Variants in GNAZ observed in about 807,000 individuals in gnomAD.
GNAZ encodes the protein guanine nucleotide-binding protein G(z) subunit alpha.
A neutral mutation model predicts 25.4 loss-of-function variants in GNAZ; 3 were observed. That is an observed-to-expected ratio of 0.12 (90% CI 0.05 to 0.30). The LOEUF (loss-of-function observed/expected upper bound fraction) is 0.30, where lower values mean the gene tolerates loss of function less well. Among genes scored for constraint, GNAZ ranks in the 10% least tolerant of loss-of-function variants. GNAZ has a pLI of 1.00. For missense variants in GNAZ, 241 were observed against 501.8 expected (o/e 0.48, Z 4.97); for synonymous variants, 211 against 205.7 (o/e 1.03, Z -0.22).
At chr22:23,116,930 G>A (rs968714186) in intron 2 of GNAZ, among the ~76,000 whole-genome samples, 1 of 152,192 alleles carries the variant, frequency 6.6e-6, no homozygotes, top group African/African-American at 2.4e-5. Flanking sequence ...AAGCCTGGAG[G>A]ATGCCTCTGT....
rs561918692 is a variant in GNAZ, at chr22:23,115,691, C to T, written c.724-7396C>T. On this transcript the variant is annotated intron_variant, in intron 2 of 2. Transcript: ENST00000615612. ...TGAGGCCCTGAGCACTGCTGGCCACCCCTGCAAATGGAGGGGCCCCACCTG... is the reference window on the plus strand; with the variant it reads ...TGAGGCCCTGAGCACTGCTGGCCACTCCTGCAAATGGAGGGGCCCCACCTG... 8.3e-4 allele frequency among the ~76,000 whole-genome samples: 127 copies of T among 152,346 alleles called. 1 individual carries two copies. Among genetic ancestry groups the T allele is most frequent in the African/African-American group, 2.9e-3 (122 of 41,582 alleles).
At chr22:23,097,479 A>T (rs541541461) in intron 2 of GNAZ, among the ~76,000 whole-genome samples, 1 of 152,254 alleles carries the variant, frequency 6.6e-6, no homozygotes, top group African/African-American at 2.4e-5. Flanking sequence ...GCAGCTGGGG[A>T]GGCGGGCTTG....
chr22:23,104,181 T>C (rs1045685892), intron 2 of GNAZ, among the ~76,000 whole-genome samples: 14 of 152,138 alleles, frequency 9.2e-5, no homozygotes, highest in Non-Finnish European at 1.5e-5. Flanking sequence ...CACAGAGCTA[T>C]GCACAGTGCC....
intron 2 of GNAZ, among the ~76,000 whole-genome samples, chr22:23,121,453 C>T (rs2070021462): frequency 6.6e-6 from 1 of 152,210 alleles, no homozygotes; most frequent in Admixed American, 6.5e-5. Flanking sequence ...TTTGGGCCCA[C>T]CCTGTAGGAG....
intron 1 of GNAZ, among the ~76,000 whole-genome samples, chr22:23,073,781 G>T (rs1457707668): frequency 6.6e-6 from 1 of 152,220 alleles, no homozygotes; most frequent in Non-Finnish European, 1.5e-5. Context: ...CCTGCTGCAT[G>T]CCAGGCACTG....
At chr22:23,100,640 C>T (rs1039202771) in intron 2 of GNAZ, among the ~76,000 whole-genome samples, 5 of 152,214 alleles carry the variant, frequency 3.3e-5, no homozygotes, top group South Asian at 2.1e-4. Flanking sequence ...CAGCACACCA[C>T]GAGGGCAGGT....
chr22:23,115,654 G>A (rs1006994592), intron 2 of GNAZ, among the ~76,000 whole-genome samples: 14 of 152,212 alleles, frequency 9.2e-5, no homozygotes, highest in Admixed American at 3.3e-4. Flanking sequence ...CAGAAGATGC[G>A]TGAAGCAGGC....
chr22:23,090,116 C>CA (rs1228285872), intron 1 of GNAZ, among the ~76,000 whole-genome samples: 2 of 152,134 alleles, frequency 1.3e-5, no homozygotes, highest in African/African-American at 4.8e-5. Context: ...TTCACTGATA[C>CA]AGTCCACTCA....
chr22:23,078,418 G>T (rs888942900), intron 1 of GNAZ, among the ~76,000 whole-genome samples: 8 of 152,240 alleles, frequency 5.3e-5, no homozygotes, highest in African/African-American at 1.4e-4. Flanking sequence ...AGAGGCACTG[G>T]TGGGGCTGCC....
chr22:23,100,738 C>T (rs1280036609), intron 2 of GNAZ, among the ~76,000 whole-genome samples: 1 of 152,206 alleles, frequency 6.6e-6, no homozygotes, highest in Admixed American at 6.5e-5. Flanking sequence ...GGGCGGGAGG[C>T]GGTAGGCTTG....
At chr22:23,077,716 A>G (rs2146259918) in intron 1 of GNAZ, among the ~76,000 whole-genome samples, 1 of 152,266 alleles carries the variant, frequency 6.6e-6, no homozygotes, top group Non-Finnish European at 1.5e-5. Context: ...GCAGCTAATC[A>G]GGCTTCCCCA....
chr22:23,098,275 T>G (rs2069181804), intron 2 of GNAZ, among the ~76,000 whole-genome samples: 1 of 152,232 alleles, frequency 6.6e-6, no homozygotes, highest in South Asian at 2.1e-4. Context: ...ACCCCTGCCC[T>G]TATCCTCCAG....
At chr22:23,090,705 AGG>A (rs1403811755) in intron 1 of GNAZ, among the ~76,000 whole-genome samples, 1 of 152,090 alleles carries the variant, frequency 6.6e-6, no homozygotes, top group Admixed American at 6.5e-5. Flanking sequence ...TCTTACCAGG[AGG>A]CCAGCCCCAC....
intron 1 of GNAZ, among the ~76,000 whole-genome samples, chr22:23,080,590 G>A (rs1334565832): frequency 6.6e-6 from 1 of 152,238 alleles, no homozygotes; most frequent in Non-Finnish European, 1.5e-5. Flanking sequence ...ATCTGCAGGT[G>A]CAAGGCCCAT....
chr22:23,098,855 C>T (rs2069204476), intron 2 of GNAZ, among the ~76,000 whole-genome samples: 3 of 152,256 alleles, frequency 2.0e-5, no homozygotes. Flanking sequence ...CAGCCCGTCT[C>T]CAGCCGGGCC....
intron 1 of GNAZ, among the ~76,000 whole-genome samples, chr22:23,081,889 G>A (rs1420851739): frequency 6.6e-6 from 1 of 151,224 alleles, no homozygotes; most frequent in Non-Finnish European, 1.5e-5. Context: ...ACTTTGGGGG[G>A]CCGAGGCGGG....
chr22:23,099,057 G>A (rs2069213720), intron 2 of GNAZ, among the ~76,000 whole-genome samples: 1 of 152,222 alleles, frequency 6.6e-6, no homozygotes, highest in African/African-American at 2.4e-5. Context: ...CTCCTCCATA[G>A]CCCTCCTTCC....
At chr22:23,078,989 C>T (rs2068593130) in intron 1 of GNAZ, among the ~76,000 whole-genome samples, 2 of 152,192 alleles carry the variant, frequency 1.3e-5, no homozygotes, top group Non-Finnish European at 2.9e-5. Context: ...CCCCAACTAT[C>T]CCCTCCGTGA....
intron 2 of GNAZ, among the ~76,000 whole-genome samples, chr22:23,121,752 C>T (rs1391480261): frequency 3.4e-5 from 5 of 147,178 alleles, no homozygotes; most frequent in Middle Eastern, 7.2e-3. Flanking sequence ...GACAGAGTCT[C>T]GCTGCGTCGC....
Sources: gnomAD v4.1 joint callset for allele counts (sites outside exome capture counted in the v4.1 genomes callset) on GRCh38, gnomAD v4.1.1 for gene constraint, MANE v1.5 for transcripts, NCBI Gene and HGNC (gene_info 2026-07-23, HGNC 2026-07-21) for gene names.